KIF4A: variants seen among roughly 807,000 people sequenced by gnomAD.
KIF4A encodes the protein kinesin family member 4A.
KIF4A carries 7 observed loss-of-function variants against 105.9 expected under a neutral mutation model. The ratio of observed to expected loss-of-function variants is 0.07; its 90% CI spans 0.04 to 0.12. The LOEUF is 0.12. Among genes scored for constraint, KIF4A ranks in the 10% least tolerant of loss-of-function variants. KIF4A has a pLI of 1.00. For missense variants in KIF4A, 558 were observed against 929.2 expected (o/e 0.60, Z 5.19); for synonymous variants, 281 against 331.3 (o/e 0.85, Z 1.65).
At chrX:70,408,640 A>C (rs1010676565) in intron 28 of KIF4A, among the ~76,000 whole-genome samples, 5 of 112,046 alleles carry the variant, frequency 4.5e-5, no homozygotes, top group African/African-American at 1.6e-4. Flanking sequence ...CACCACCAGG[A>C]TGAAGCAAGT....
intron 18 of KIF4A, among the ~76,000 whole-genome samples, chrX:70,377,067 C>G (rs954124449): frequency 8.1e-5 from 9 of 110,750 alleles, no homozygotes; most frequent in Admixed American, 9.7e-5. Flanking sequence ...CTTCAATCCA[C>G]CTCTTTATTT....
At chrX:70,307,427 C>T (rs2085831826) in intron 7 of KIF4A, among the ~76,000 whole-genome samples, 1 of 111,546 alleles carries the variant, frequency 9.0e-6, no homozygotes, top group South Asian at 3.7e-4. Flanking sequence ...TTCTTTCTTT[C>T]TAGTCTGGAT....
intron 28 of KIF4A, among the ~76,000 whole-genome samples, chrX:70,411,782 G>T (rs1401160609): frequency 9.0e-6 from 1 of 110,689 alleles, no homozygotes; most frequent in Non-Finnish European, 1.9e-5. Context: ...GGCCGGGTGT[G>T]GTTGCTCATG....
At chrX:70,406,194 T>A in intron 26 of KIF4A, 65 bp from the exon 27 acceptor site, 1 of 940,221 alleles carries the variant, frequency 1.1e-6, no homozygotes, top group Non-Finnish European at 1.5e-6. Context: ...CTGGTATCTG[T>A]TTTAGCCATG....
At chrX:70,418,574 T>C (rs1444041733) in intron 29 of KIF4A, among the ~76,000 whole-genome samples, 1 of 111,483 alleles carries the variant, frequency 9.0e-6, no homozygotes, top group East Asian at 2.8e-4. Flanking sequence ...CTCCCAGGAA[T>C]AGCAAACTCA....
Position 70,386,680 on chromosome X carries a change from G to T in KIF4A, c.2097G>T (p.Val699=). Residue 699 remains valine (V), a synonymous_variant, in exon 19 of 31, where the codon GTG becomes GTT. Coordinates refer to ENST00000374403, the MANE Select transcript of KIF4A (RefSeq NM_012310.5). ...GAAACTTCCAGAAACAATCCAATGT[G>T]CTCAGACGTAAAACGGAGGAGGTAA... is the stretch of plus-strand genomic sequence containing the variant. ...LERNFQKQSN[V]LRRKTEEAAA... 1 of 1,205,077 alleles carries T rather than the reference G, an allele frequency of 8.3e-7. No individual in the cohort carries two copies.
At chrX:70,417,426 C>T (rs1485111063) in intron 28 of KIF4A, among the ~76,000 whole-genome samples, 2 of 111,922 alleles carry the variant, frequency 1.8e-5, no homozygotes, top group East Asian at 2.8e-4. Flanking sequence ...GCAGGTGGAT[C>T]GCCTGAGGTC....
intron 20 of KIF4A, among the ~76,000 whole-genome samples, chrX:70,387,582 A>G (rs918253900): frequency 2.0e-4 from 22 of 111,910 alleles, no homozygotes; most frequent in African/African-American, 5.8e-4. Flanking sequence ...AAAGTTCACA[A>G]TTTGGCCGGG....
At chrX:70,362,037 A>G in intron 15 of KIF4A, 1 of 164,507 alleles carries the variant, frequency 6.1e-6, no homozygotes, top group Non-Finnish European at 1.2e-5. Flanking sequence ...ATGTTTTGTA[A>G]AATAGTGGCT....
intron 15 of KIF4A, among the ~76,000 whole-genome samples, chrX:70,372,511 C>T (rs1360707754): frequency 1.8e-5 from 2 of 114,183 alleles, no homozygotes; most frequent in African/African-American, 3.2e-5. Flanking sequence ...GGCGTGGTGG[C>T]GCGCGCCTGC....
At chrX:70,346,691 T>G (rs764438525) in intron 13 of KIF4A, among the ~76,000 whole-genome samples, 1 of 111,240 alleles carries the variant, frequency 9.0e-6, no homozygotes, top group South Asian at 3.9e-4. Flanking sequence ...GTTCCTGGCT[T>G]CCATCCACTG....
intron 22 of KIF4A, among the ~76,000 whole-genome samples, chrX:70,399,402 T>A (rs2147736040): frequency 9.0e-6 from 1 of 111,626 alleles, no homozygotes; most frequent in African/African-American, 3.2e-5. Context: ...TCAAGCAAAA[T>A]TTGGATTTGG....
chrX:70,304,018 C>T (rs923368360), intron 7 of KIF4A, among the ~76,000 whole-genome samples: 4 of 97,054 alleles, frequency 4.1e-5, no homozygotes, highest in Non-Finnish European at 6.2e-5. Context: ...ATACATGTGC[C>T]ATGCTGGTGT....
At chrX:70,324,454 C>T (rs144514729) in intron 7 of KIF4A, among the ~76,000 whole-genome samples, 2 of 111,642 alleles carry the variant, frequency 1.8e-5, no homozygotes, top group Admixed American at 9.5e-5. Flanking sequence ...TATTAGTATG[C>T]GACTTTATAC....
At chrX:70,389,599 C>T (rs1282692968) in intron 20 of KIF4A, among the ~76,000 whole-genome samples, 3 of 112,497 alleles carry the variant, frequency 2.7e-5, no homozygotes, top group South Asian at 3.6e-4. Context: ...AACCCATGGT[C>T]GCTAAGATTT....
At chrX:70,323,051 C>T (rs1052418238) in intron 7 of KIF4A, among the ~76,000 whole-genome samples, 2 of 110,719 alleles carry the variant, frequency 1.8e-5, no homozygotes, top group African/African-American at 3.3e-5. Context: ...CCTCTCCCCA[C>T]TCTTTCCTTG....
intron 20 of KIF4A, among the ~76,000 whole-genome samples, chrX:70,391,813 C>A (rs917040856): frequency 8.1e-5 from 9 of 111,370 alleles, no homozygotes; most frequent in African/African-American, 2.9e-4. Flanking sequence ...TTGTTCCCTT[C>A]TTTCTGTCCA....
At position 70,417,855 on chromosome X, in the gene KIF4A, A is replaced by G. The variant is rs200112303; in HGVS notation, c.3256-33A>G. 4 of 1,105,643 alleles carry G rather than the reference A, an allele frequency of 3.6e-6. No homozygotes were observed. In the Admixed American group the frequency reaches 9.4e-5, roughly 26 times the overall value. 91.1% of individuals were successfully genotyped at this position (1,105,643 alleles called of 1,213,427 possible). A position where few individuals can be genotyped will look rare whatever the true frequency, so the allele number is the denominator to read the frequency against. On this transcript the variant is annotated intron_variant, in intron 28 of 30. Transcript: ENST00000374403. The stretch of plus-strand genomic sequence containing the variant: ...TTTAAACTAGTCTTCTAACCCTTTC[A>G]GTAATGTGTCTTTCTGCAAACCTGT...
chrX:70,316,521 A>C (rs1174902310), intron 7 of KIF4A, among the ~76,000 whole-genome samples: 1 of 111,669 alleles, frequency 9.0e-6, no homozygotes, highest in African/African-American at 3.2e-5. Flanking sequence ...TTACACATAA[A>C]TATATATTAC....
Sources: gnomAD v4.1 joint callset for allele counts (sites outside exome capture counted in the v4.1 genomes callset) on GRCh38, gnomAD v4.1.1 for gene constraint, MANE v1.5 for transcripts, NCBI Gene and HGNC (gene_info 2026-07-23, HGNC 2026-07-21) for gene names.